Variants in LCLAT1 observed in about 807,000 individuals in gnomAD.
LCLAT1 encodes lysocardiolipin acyltransferase 1, also known as 1-AGP acyltransferase 8.
LCLAT1 carries 11 observed loss-of-function variants against 30.7 expected under a neutral mutation model. The observed-to-expected ratio is 0.36, with a 90% CI of 0.23 to 0.59. LCLAT1 has a LOEUF of 0.59. Among genes scored for constraint, LCLAT1 ranks in the 20% least tolerant of loss-of-function variants. LCLAT1 has a pLI of 0.77. For synonymous variants in LCLAT1, 155 were observed against 151.3 expected, an observed-to-expected ratio of 1.02 and a Z score of -0.18; for missense variants, 402 against 458.6, an observed-to-expected ratio of 0.88 and a Z score of 1.13.
At chr2:30,500,909 C>G (rs1684344063) in intron 1 of LCLAT1, among the ~76,000 whole-genome samples, 2 of 152,056 alleles carry the variant, frequency 1.3e-5, no homozygotes, top group African/African-American at 4.8e-5. Flanking sequence ...AACCATCAGG[C>G]CTCACAGATA....
intron 5 of LCLAT1, among the ~76,000 whole-genome samples, chr2:30,597,900 A>T (rs953644321): frequency 6.6e-6 from 1 of 151,976 alleles, no homozygotes; most frequent in African/African-American, 2.4e-5. Flanking sequence ...ATCTATTGAG[A>T]TAACTATTTG....
intron 3 of LCLAT1, among the ~76,000 whole-genome samples, chr2:30,558,841 G>T (rs919741777): frequency 6.6e-6 from 1 of 152,142 alleles, no homozygotes; most frequent in Non-Finnish European, 1.5e-5. Flanking sequence ...TGAGGCATCA[G>T]TTTCACTGCT....
chr2:30,590,486 A>T (rs1445122043), intron 5 of LCLAT1, among the ~76,000 whole-genome samples: 1 of 149,566 alleles, frequency 6.7e-6, no homozygotes. Flanking sequence ...AAACCTATTT[A>T]TTACCCATTC....
intron 5 of LCLAT1, among the ~76,000 whole-genome samples, chr2:30,586,332 G>A (rs947937195): frequency 7.9e-5 from 12 of 151,226 alleles, no homozygotes; most frequent in African/African-American, 2.2e-4. Context: ...GCAGAGCCAC[G>A]CTCCCTCTGA....
intron 1 of LCLAT1, among the ~76,000 whole-genome samples, chr2:30,486,757 T>G (rs1427520318): frequency 6.6e-6 from 1 of 152,174 alleles, no homozygotes; most frequent in Non-Finnish European, 1.5e-5. Flanking sequence ...TTCTTGCTGG[T>G]TGGATGTGTA....
intron 3 of LCLAT1, among the ~76,000 whole-genome samples, chr2:30,544,068 T>C (rs1257989785): frequency 1.3e-5 from 2 of 152,180 alleles, no homozygotes; most frequent in Non-Finnish European, 2.9e-5. Flanking sequence ...GCTATAGTTG[T>C]GTGTTGTATT....
intron 5 of LCLAT1, among the ~76,000 whole-genome samples, chr2:30,588,532 C>A (rs368963282): frequency 6.6e-6 from 1 of 152,102 alleles, no homozygotes; most frequent in African/African-American, 2.4e-5. Flanking sequence ...GCCTCAAACT[C>A]TCCTCTTCTC....
intron 5 of LCLAT1, chr2:30,606,552 T>G (rs991632951): frequency 7.0e-6 from 1 of 142,726 alleles, no homozygotes; most frequent in African/African-American, 2.7e-5. Flanking sequence ...AAACTGAAAC[T>G]GGACCCCTTC....
intron 5 of LCLAT1, among the ~76,000 whole-genome samples, chr2:30,623,826 C>G (rs185921536): frequency 9.9e-5 from 15 of 152,232 alleles, no homozygotes; most frequent in Admixed American, 8.5e-4. Flanking sequence ...TATCTGAAGT[C>G]AAGATGAAAG....
chr2:30,504,205 C>T (rs146138996), intron 1 of LCLAT1, among the ~76,000 whole-genome samples: 46 of 150,674 alleles, frequency 3.1e-4, no homozygotes, highest in African/African-American at 1.0e-3. Context: ...TAACATATTA[C>T]ATAACATAAC....
intron 2 of LCLAT1, among the ~76,000 whole-genome samples, chr2:30,530,621 C>T (rs746349309): frequency 2.6e-5 from 4 of 152,180 alleles, no homozygotes; most frequent in Non-Finnish European, 4.4e-5. Context: ...TCAGATCTCA[C>T]TGTAACCTGA....
At chr2:30,574,473 C>T (rs1452380021) in intron 5 of LCLAT1, among the ~76,000 whole-genome samples, 1 of 152,176 alleles carries the variant, frequency 6.6e-6, no homozygotes, top group Non-Finnish European at 1.5e-5. Flanking sequence ...TCCTGAACAG[C>T]ATCCTTATGG....
chr2:30,470,524 C>T (rs2148290699), intron 1 of LCLAT1, among the ~76,000 whole-genome samples: 2 of 152,256 alleles, frequency 1.3e-5, no homozygotes, highest in South Asian at 2.1e-4. Flanking sequence ...TAAATTCCTC[C>T]CATAGTTGGC....
At chr2:30,576,295 T>C (rs1206207519) in intron 5 of LCLAT1, among the ~76,000 whole-genome samples, 3 of 152,134 alleles carry the variant, frequency 2.0e-5, no homozygotes, top group South Asian at 2.1e-4. Flanking sequence ...ACACTGACCA[T>C]AAAGAATATT....
intron 1 of LCLAT1, among the ~76,000 whole-genome samples, chr2:30,518,898 G>T (rs1685330662): frequency 6.6e-6 from 1 of 152,192 alleles, no homozygotes. Flanking sequence ...CAAGACTTGA[G>T]TCAGTTCTCA....
intron 1 of LCLAT1, among the ~76,000 whole-genome samples, chr2:30,447,879 T>C (rs907906243): frequency 1.3e-5 from 2 of 152,222 alleles, no homozygotes; most frequent in African/African-American, 4.8e-5. Flanking sequence ...TGGGGTTGTC[T>C]TCCCTGCGAG....
At chr2:30,486,017 A>T (rs930455022) in intron 1 of LCLAT1, among the ~76,000 whole-genome samples, 1 of 152,220 alleles carries the variant, frequency 6.6e-6, no homozygotes, top group Non-Finnish European at 1.5e-5. Context: ...TCACTCCCTG[A>T]TAACTCTTGT....
intron 1 of LCLAT1, among the ~76,000 whole-genome samples, chr2:30,524,780 T>A (rs1043879568): frequency 2.6e-5 from 4 of 152,116 alleles, no homozygotes; most frequent in Admixed American, 1.3e-4. Flanking sequence ...GTTATTAATC[T>A]CTCACCACGC....
chr2:30,465,837 G>C (rs1156585018), intron 1 of LCLAT1, among the ~76,000 whole-genome samples: 1 of 152,110 alleles, frequency 6.6e-6, no homozygotes, highest in Non-Finnish European at 1.5e-5. Flanking sequence ...TCTTATTAGT[G>C]AAGTGGCATG....
Sources: allele counts gnomAD v4.1 joint callset (sites outside exome capture counted in the v4.1 genomes callset), GRCh38; gene constraint gnomAD v4.1.1; transcripts MANE v1.5; gene names NCBI Gene and HGNC (gene_info 2026-07-23, HGNC 2026-07-21).